SNTB1: variants seen among roughly 807,000 people sequenced by gnomAD.
SNTB1 encodes beta-1-syntrophin.
In SNTB1, 36 loss-of-function variants were observed where a neutral mutation model predicts 48.9. That is an observed-to-expected ratio of 0.74 (90% CI 0.56 to 0.97). The LOEUF (loss-of-function observed/expected upper bound fraction) is 0.97, where lower values mean the gene tolerates loss of function less well. Among genes scored for constraint, SNTB1 ranks in the 50% least tolerant of loss-of-function variants. The probability of loss-of-function intolerance (pLI) is 0.00; values close to 1 mark genes in which losing one functional copy is unlikely to be tolerated. For missense variants in SNTB1, 786 were observed against 703.4 expected (o/e 1.12, Z -1.33); for synonymous variants, 299 against 294.6 (o/e 1.01, Z -0.15).
chr8:120,719,459 A>T (rs1308013194), intron 1 of SNTB1, among the ~76,000 whole-genome samples: 1 of 151,438 alleles, frequency 6.6e-6, no homozygotes, highest in Non-Finnish European at 1.5e-5. Flanking sequence ...TATTGAATAA[A>T]CTCCATTTTC....
chr8:120,642,557 G>A (rs907027870), intron 2 of SNTB1, among the ~76,000 whole-genome samples: 1 of 152,170 alleles, frequency 6.6e-6, no homozygotes, highest in Non-Finnish European at 1.5e-5. Context: ...ACAACAGGTG[G>A]CTTCTGGAGA....
intron 1 of SNTB1, among the ~76,000 whole-genome samples, chr8:120,802,544 C>T (rs1169897211): frequency 6.6e-6 from 1 of 152,070 alleles, no homozygotes; most frequent in African/African-American, 2.4e-5. Flanking sequence ...TAACTCTCAC[C>T]TCACAAAGCA....
intron 2 of SNTB1, among the ~76,000 whole-genome samples, chr8:120,653,710 C>G (rs1817446417): frequency 1.3e-5 from 2 of 152,098 alleles, no homozygotes; most frequent in Non-Finnish European, 2.9e-5. Flanking sequence ...GCTGTGGAAT[C>G]ATGTGTCCAT....
chr8:120,665,881 G>C (rs1817665478), intron 2 of SNTB1, among the ~76,000 whole-genome samples: 2 of 151,906 alleles, frequency 1.3e-5, no homozygotes, highest in Non-Finnish European at 2.9e-5. Flanking sequence ...CCATATATAT[G>C]TGAGTCCACT....
intron 3 of SNTB1, among the ~76,000 whole-genome samples, chr8:120,583,425 T>C (rs1053094218): frequency 2.0e-5 from 3 of 151,606 alleles, no homozygotes; most frequent in African/African-American, 2.4e-5. Flanking sequence ...AGCAGGAGAA[T>C]TGCTTGAACC....
At chr8:120,659,190 C>T (rs931057404) in intron 2 of SNTB1, among the ~76,000 whole-genome samples, 1 of 152,138 alleles carries the variant, frequency 6.6e-6, no homozygotes, top group Admixed American at 6.5e-5. Flanking sequence ...TCTCAAACTC[C>T]TGAACTCAAG....
In SNTB1 at chr8:120,548,744, G is replaced by A; in HGVS notation, c.1333+18C>T. 1 of 1,610,974 alleles carries A rather than the reference G, an allele frequency of 6.2e-7. No homozygotes were observed. On this transcript the variant is annotated intron_variant, in intron 5 of 6. Transcript: ENST00000517992. The stretch of plus-strand genomic sequence containing the variant: ...TTCCCGTAACAATGTGTCCTTGGTA[G>A]CTCACTGCAGTACTCACCAGTGCTG...
chr8:120,807,081 T>A (rs1425863523), intron 1 of SNTB1, among the ~76,000 whole-genome samples: 1 of 152,200 alleles, frequency 6.6e-6, no homozygotes, highest in African/African-American at 2.4e-5. Context: ...TTCCACTGTT[T>A]CCAGTTCAGT....
chr8:120,735,955 C>A (rs1818934966), intron 1 of SNTB1, among the ~76,000 whole-genome samples: 1 of 152,262 alleles, frequency 6.6e-6, no homozygotes, highest in South Asian at 2.1e-4. Flanking sequence ...TGTTTTCATA[C>A]TGCTATAAAG....
chr8:120,581,088 C>CAAAAAAAAAAAAAAAAAAAAAAAAAA (rs775547135), intron 3 of SNTB1, among the ~76,000 whole-genome samples: 1 of 90,000 alleles, frequency 1.1e-5, no homozygotes, highest in Non-Finnish European at 2.4e-5. Context: ...GACCCTGTCT[C>CAAAAAAAAAAAAAAAAAAAAAAAAAA]AAAAAAAAAA....
rs116714280 is a variant in SNTB1 at position 120,805,570 on chromosome 8, G to C, written c.571+5703C>G. Among the ~76,000 whole-genome samples the C allele has an allele frequency of 9.2e-3, 1,405 of 152,170 alleles. 28 individuals are homozygous for C. The highest frequency in any genetic ancestry group is 0.032 in the African/African-American group (1,319 of 41,516). On this transcript the variant is annotated intron_variant, in intron 1 of 6. Coordinates refer to ENST00000517992, the MANE Select transcript of SNTB1 (RefSeq NM_021021.4). The stretch of plus-strand genomic sequence containing the variant: ...TAAAAATAAAAATTAAAAAAAAAAG[G>C]TTCTCCCCTAGACATCCAGAAAGGA...
chr8:120,801,646 A>AT (rs1214294241), intron 1 of SNTB1, among the ~76,000 whole-genome samples: 2 of 151,920 alleles, frequency 1.3e-5, no homozygotes, highest in East Asian at 1.9e-4. Flanking sequence ...AAACTGTCCG[A>AT]TTTTTTCATA....
At chr8:120,582,859 T>C (rs1024860429) in intron 3 of SNTB1, among the ~76,000 whole-genome samples, 1 of 152,142 alleles carries the variant, frequency 6.6e-6, no homozygotes, top group African/African-American at 2.4e-5. Flanking sequence ...CAAACCACCA[T>C]GGCACATGTA....
chr8:120,786,731 A>G (rs1819928810), intron 1 of SNTB1, among the ~76,000 whole-genome samples: 1 of 152,190 alleles, frequency 6.6e-6, no homozygotes, highest in East Asian at 1.9e-4. Flanking sequence ...CTGGCTTGCA[A>G]TGGAGGCTGT....
intron 3 of SNTB1, among the ~76,000 whole-genome samples, chr8:120,610,011 A>G (rs1816594443): frequency 6.6e-6 from 1 of 152,240 alleles, no homozygotes; most frequent in South Asian, 2.1e-4. Flanking sequence ...ATGAGGCTAG[A>G]TCAATGTTCT....
intron 1 of SNTB1, among the ~76,000 whole-genome samples, chr8:120,712,139 C>T (rs757133775): frequency 6.6e-5 from 10 of 152,034 alleles, no homozygotes; most frequent in Non-Finnish European, 1.0e-4. Flanking sequence ...ACAGGCCCGG[C>T]GTGGTGGCTC....
chr8:120,548,956 A>T lies in SNTB1; in HGVS notation c.1139T>A (p.Leu380Gln). ...VHTYPLLATR[L>Q]VHSGPGKGSP... The stretch of plus-strand genomic sequence containing the variant: ...TCCCTTTCCTGGACCTGAATGGACC[A>T]GCCTGGAGAGAGAGAGAGAGAGACA... Residue 380 changes from leucine to glutamine, a missense_variant and splice_region_variant, in exon 5 of 7, where the codon CTG (leucine) becomes CAG (glutamine). Transcript: ENST00000517992. 1 of 1,561,280 alleles carries T rather than the reference A, an allele frequency of 6.4e-7. No homozygotes were observed. The highest frequency in any genetic ancestry group is 1.2e-5 in the South Asian group (1 of 81,754).
chr8:120,792,598 G>A (rs1451982745), intron 1 of SNTB1, among the ~76,000 whole-genome samples: 1 of 151,874 alleles, frequency 6.6e-6, no homozygotes, highest in Non-Finnish European at 1.5e-5. Context: ...CAAGTACCGT[G>A]GCAAGTCCTA....
intron 2 of SNTB1, among the ~76,000 whole-genome samples, chr8:120,660,173 G>A (rs1036828251): frequency 1.3e-5 from 2 of 152,192 alleles, no homozygotes; most frequent in African/African-American, 4.8e-5. Flanking sequence ...CCCTTAACAA[G>A]AGAGTCAGCC....
Sources: allele counts gnomAD v4.1 joint callset (sites outside exome capture counted in the v4.1 genomes callset), GRCh38; gene constraint gnomAD v4.1.1; transcripts MANE v1.5; gene names NCBI Gene and HGNC (gene_info 2026-07-23, HGNC 2026-07-21).